CES5A: variants seen among roughly 807,000 people sequenced by gnomAD.
CES5A encodes carboxylesterase 5.
In CES5A, 67 loss-of-function variants were observed where a neutral mutation model predicts 62.9. That is an observed-to-expected ratio of 1.07 (90% confidence interval 0.88 to 1.31). The LOEUF is 1.31. CES5A is among the 50% of genes most tolerant of loss of function. The pLI is 0.00. For missense variants in CES5A, 748 were observed against 708.5 expected, an observed-to-expected ratio of 1.06 and a Z score of -0.63; for synonymous variants, 296 against 280.8, an observed-to-expected ratio of 1.05 and a Z score of -0.54.
At chr16:55,953,800 T>C (rs1424031090) in intron 1 of CES5A, among the ~76,000 whole-genome samples, 2 of 152,208 alleles carry the variant, frequency 1.3e-5, no homozygotes, top group African/African-American at 4.8e-5. Flanking sequence ...ACATGTAATG[T>C]TTTGATGTAG....
intron 4 of CES5A, among the ~76,000 whole-genome samples, chr16:55,869,194 G>T (rs568885565): frequency 6.6e-6 from 1 of 152,180 alleles, no homozygotes; most frequent in African/African-American, 2.4e-5. Flanking sequence ...TGCCAATGGC[G>T]AGTGAACAGA....
At chr16:55,944,213 G>A in intron 2 of CES5A, 2 of 665,708 alleles carry the variant, frequency 3.0e-6, no homozygotes, top group East Asian at 2.7e-5. Flanking sequence ...CTGACAGTAC[G>A]ACTCTGAACA....
chr16:55,948,833 G>A (rs2034524820), intron 2 of CES5A, among the ~76,000 whole-genome samples: 1 of 152,128 alleles, frequency 6.6e-6, no homozygotes, highest in Non-Finnish European at 1.5e-5. Context: ...TGATGAATTA[G>A]ATTAATGTGG....
chr16:55,867,485 G>A (rs1158453645), intron 4 of CES5A, among the ~76,000 whole-genome samples: 1 of 152,144 alleles, frequency 6.6e-6, no homozygotes, highest in Admixed American at 6.5e-5. Context: ...CCATTTTCCA[G>A]TTCTCCAGAC....
At chr16:55,847,704 A>G (rs1274241338) in intron 11 of CES5A, among the ~76,000 whole-genome samples, 1 of 152,146 alleles carries the variant, frequency 6.6e-6, no homozygotes, top group Non-Finnish European at 1.5e-5. Context: ...TCAAACTGCC[A>G]TTTGTTGTTC....
At chr16:55,942,572 T>A (rs1215789195) in intron 2 of CES5A, among the ~76,000 whole-genome samples, 1 of 152,198 alleles carries the variant, frequency 6.6e-6, no homozygotes, top group African/African-American at 2.4e-5. Context: ...GGAACTCTGG[T>A]GTGTCACTGT....
intron 1 of CES5A, among the ~76,000 whole-genome samples, chr16:55,885,379 C>T (rs143372099): frequency 1.3e-5 from 2 of 152,238 alleles, no homozygotes; most frequent in African/African-American, 4.8e-5. Context: ...AAGGATTAAA[C>T]GTGCAAAGGA....
At position 55,871,306 on chromosome 16, in the gene CES5A, A is replaced by G. The variant is rs577819906; in HGVS notation, c.417+319T>C. Among the ~76,000 whole-genome samples the G allele has an allele frequency of 2.6e-5, 4 of 152,330 alleles. No homozygotes were observed. In the East Asian group the frequency reaches 7.7e-4, roughly 29 times the overall value. On this transcript the variant is annotated intron_variant, in intron 3 of 12. Coordinates refer to ENST00000290567, the MANE Select transcript of CES5A (RefSeq NM_001143685.2). ...AAAATTATTCTTTTTGAAAAAAGAT[A>G]CCTCAAATTTAAGAAAAAAGTCAGA...
intron 2 of CES5A, among the ~76,000 whole-genome samples, chr16:55,943,573 T>C (rs755647170): frequency 5.9e-5 from 9 of 152,346 alleles, no homozygotes; most frequent in South Asian, 2.1e-4. Flanking sequence ...ATTGAAAAGT[T>C]TGTGAATTAC....
At chr16:55,859,734 C>T in intron 7 of CES5A, 47 bp from the exon 8 acceptor site, 1 of 1,563,566 alleles carries the variant, frequency 6.4e-7, no homozygotes, top group Non-Finnish European at 8.7e-7. Context: ...TCAGCTATTT[C>T]TGTTCACAAA....
rs927105878 is a variant in CES5A, at chr16:55,875,263, C to T, written c.-42G>A. 6.2e-7 allele frequency: 1 copy of T among 1,603,538 alleles called. No individual in the cohort carries two copies. The highest frequency in any genetic ancestry group is 1.1e-5 in the South Asian group (1 of 89,536). ...ACTCTGTGAACATTGACGGCGGCTGCTGGCCTCAGAGAGCTTCAGTTGGGA... is the reference window on the plus strand; with the variant it reads ...ACTCTGTGAACATTGACGGCGGCTGTTGGCCTCAGAGAGCTTCAGTTGGGA... On this transcript the variant is annotated 5_prime_UTR_variant, in exon 1 of 13. Coordinates refer to ENST00000290567, the MANE Select transcript of CES5A (RefSeq NM_001143685.2).
intron 9 of CES5A, among the ~76,000 whole-genome samples, chr16:55,853,823 G>A (rs1314604087): frequency 3.3e-5 from 5 of 152,114 alleles, no homozygotes; most frequent in African/African-American, 1.2e-4. Flanking sequence ...GAAGATTCAG[G>A]GATCCGGTGC....
chr16:55,900,909 C>A (rs1031928442), intron 1 of CES5A, among the ~76,000 whole-genome samples: 1 of 152,148 alleles, frequency 6.6e-6, no homozygotes, highest in Non-Finnish European at 1.5e-5. Flanking sequence ...TATCCCATCC[C>A]ACATCCTCAC....
intron 2 of CES5A, among the ~76,000 whole-genome samples, chr16:55,931,903 C>A (rs550027280): frequency 6.6e-6 from 1 of 152,156 alleles, no homozygotes; most frequent in African/African-American, 2.4e-5. Flanking sequence ...CATGGGCTGC[C>A]ATGGAGTTAA....
At chr16:55,886,634 C>T (rs1160808546) in intron 1 of CES5A, among the ~76,000 whole-genome samples, 2 of 152,144 alleles carry the variant, frequency 1.3e-5, no homozygotes, top group Admixed American at 1.3e-4. Context: ...TGAGCCCTCA[C>T]CATAGCACTA....
rs1251148030 is a variant in CES5A at position 55,846,354 on chromosome 16, A to T, written c.*97T>A. ...AGCGAAAGCAGCTTGTTTTGCAAGG[A>T]TCCCCATAGAAAGCAGCTGAGCTCA... On this transcript the variant is annotated 3_prime_UTR_variant, in exon 13 of 13. Coordinates refer to ENST00000290567, the MANE Select transcript of CES5A (RefSeq NM_001143685.2). 1.4e-5 allele frequency: 12 copies of T among 881,226 alleles called. No homozygotes were observed. The highest frequency in any genetic ancestry group is 2.0e-5 in the Non-Finnish European group (11 of 553,924). 54.6% of individuals were successfully genotyped at this position (881,226 alleles called of 1,614,324 possible).
chr16:55,900,074 C>A (rs2033975075), intron 1 of CES5A, among the ~76,000 whole-genome samples: 1 of 151,032 alleles, frequency 6.6e-6, no homozygotes, highest in East Asian at 1.9e-4. Flanking sequence ...CAGTGCAGAT[C>A]CAGACCTGAA....
At chr16:55,880,069 A>G (rs538761038), upstream of CES5A, among the ~76,000 whole-genome samples, 1 of 152,144 alleles carries the variant, frequency 6.6e-6, no homozygotes, top group Non-Finnish European at 1.5e-5. Flanking sequence ...TAGGTGGTAT[A>G]CCCAATGATA....
chr16:55,885,071 C>G (rs1406918139), intron 1 of CES5A, among the ~76,000 whole-genome samples: 3 of 152,198 alleles, frequency 2.0e-5, no homozygotes, highest in African/African-American at 7.2e-5. Context: ...ATTAACAGCT[C>G]TCTGTCTCTC....
Sources: gnomAD v4.1 joint callset for allele counts (sites outside exome capture counted in the v4.1 genomes callset) on GRCh38, gnomAD v4.1.1 for gene constraint, MANE v1.5 for transcripts, NCBI Gene and HGNC (gene_info 2026-07-23, HGNC 2026-07-21) for gene names.